PARP14: variants seen among roughly 807,000 people sequenced by gnomAD.
PARP14 encodes the protein poly(ADP-ribose) polymerase family member 14.
A neutral mutation model predicts 154.2 loss-of-function variants in PARP14; 59 were observed. The ratio of observed to expected loss-of-function variants is 0.38; its 90% CI spans 0.31 to 0.48. PARP14 has a LOEUF of 0.48. PARP14 is among the 20% of genes least tolerant of loss of function. The probability of loss-of-function intolerance (pLI) is 0.98; values close to 1 mark genes in which losing one functional copy is unlikely to be tolerated. For missense variants in PARP14, 1,734 were observed against 2,131.6 expected (o/e 0.81, Z 3.67); for synonymous variants, 720 against 780.5 (o/e 0.92, Z 1.29).
At chr3:122,693,130 G>A (rs918294166) in intron 4 of PARP14, among the ~76,000 whole-genome samples, 1 of 152,200 alleles carries the variant, frequency 6.6e-6, no homozygotes, top group Admixed American at 6.5e-5. Context: ...TTTGAACCCA[G>A]GCAGCCTATC....
chr3:122,686,316 G>T (rs1938371566), intron 2 of PARP14, among the ~76,000 whole-genome samples: 1 of 151,736 alleles, frequency 6.6e-6, no homozygotes, highest in Admixed American at 6.6e-5. Context: ...ACCACACCTG[G>T]CTAATTTTTT....
In PARP14 at chr3:122,700,566, TAGAG is replaced by T. The variant is rs1483897042; in HGVS notation, c.2016_2019del (p.Glu672AspfsTer5). On this transcript the variant is annotated frameshift_variant, in exon 6 of 17. Transcript: ENST00000474629. LOFTEE classifies it high-confidence loss of function. ...AACTTCGTTGAACAAAACATGAAAA[TAGAG>T]AGACTGGTTGAAGTAAAGCCTTCCT... The T allele has an allele frequency of 6.3e-7, 1 of 1,594,376 alleles. No individual in the cohort carries two copies. Among genetic ancestry groups the T allele is most frequent in the East Asian group, 2.2e-5 (1 of 44,502 alleles).
chr3:122,728,488 C>T lies in PARP14; in HGVS notation c.5297C>T (p.Pro1766Leu), dbSNP rs974429931. ...IVPPSKNPQN[P>L]TDLYDTVTDN... Reference sequence around the variant, plus strand: ...CCTCCTTCAAAGAACCCTCAAAATCCTACTGACCTGTATGACACTGTCACA... The same window carrying T: ...CCTCCTTCAAAGAACCCTCAAAATCTTACTGACCTGTATGACACTGTCACA... Residue 1766 changes from proline to leucine, a missense_variant, in exon 17 of 17, where the codon CCT becomes CTT. This residue lies in a region of PARP14 where 88 missense variants were observed against 155.6 expected (regional missense o/e 0.57). Transcript: ENST00000474629. 1.2e-6 allele frequency: 2 copies of T among 1,613,808 alleles called. No homozygotes were observed. The highest frequency in any genetic ancestry group is 1.7e-6 in the Non-Finnish European group (2 of 1,179,742).
chr3:122,698,086 G>C (rs1938836803), intron 5 of PARP14, among the ~76,000 whole-genome samples: 1 of 152,192 alleles, frequency 6.6e-6, no homozygotes, highest in Non-Finnish European at 1.5e-5. Context: ...TGCTCAGTAA[G>C]TTGGTAATCA....
At position 122,728,622 on chromosome 3, in the gene PARP14, T is replaced by C. The variant is rs760689677; in HGVS notation, c.*25T>C. On this transcript the variant is annotated 3_prime_UTR_variant, in exon 17 of 17. Coordinates refer to ENST00000474629, the MANE Select transcript of PARP14 (RefSeq NM_017554.3). The stretch of plus-strand genomic sequence containing the variant: ...ACACTTTGGTATCCTTCCCACAAAA[T>C]TATTCTCCATTTGTACATATCTAGT... The C allele has an allele frequency of 2.3e-5, 36 of 1,574,628 alleles. No individual in the cohort carries two copies. Among genetic ancestry groups the C allele is most frequent in the Non-Finnish European group, 3.0e-5 (35 of 1,149,734 alleles).
At chr3:122,728,205 A>T in intron 16 of PARP14, 103 bp from the exon 17 acceptor site, 2 of 1,147,448 alleles carry the variant, frequency 1.7e-6, no homozygotes, top group Non-Finnish European at 2.5e-6. Context: ...CACACAAAAA[A>T]TTTTAAGAGA....
chr3:122,716,648 A>G (rs750255177), intron 12 of PARP14, among the ~76,000 whole-genome samples: 15 of 152,128 alleles, frequency 9.9e-5, no homozygotes, highest in Admixed American at 7.2e-4. Flanking sequence ...ATAGCTCCTC[A>G]ATCCCTATTC....
At chr3:122,691,467 G>A (rs555753345) in intron 3 of PARP14, among the ~76,000 whole-genome samples, 17 of 152,334 alleles carry the variant, frequency 1.1e-4, no homozygotes, top group African/African-American at 4.1e-4. Context: ...GCAGGCCTTG[G>A]CCATTTCACT....
At position 122,704,646 on chromosome 3, in the gene PARP14, A is replaced by G. The variant is rs749305241; in HGVS notation, c.3438A>G (p.Glu1146=). 4.4e-6 allele frequency: 7 copies of G among 1,606,648 alleles called. No homozygotes were observed. In the South Asian group the frequency reaches 6.7e-5, roughly 15 times the overall value. ...NLGFPKNIFA[E]LIISEVFKFS... ...GATTTCCTAAAAACATATTCGCTGA[A>G]TTAATCATTTCAGAGGTGTTCAAAT... is the stretch of plus-strand genomic sequence containing the variant. Residue 1146 remains glutamate, a synonymous_variant, in exon 8 of 17, where the codon GAA becomes GAG. Transcript: ENST00000474629.
chr3:122,720,338 A>G lies in PARP14; in HGVS notation c.4891A>G (p.Thr1631Ala), dbSNP rs1344292886. ...ELLPSDPEYN[T>A]VASKFNQTCS... The stretch of plus-strand genomic sequence containing the variant: ...GCTGCCTAGTGATCCTGAGTACAAC[A>G]CGGTGGCAAGCAAGTTTAATCAGAC... Residue 1631 changes from threonine (T) to alanine (A), a missense_variant, in exon 15 of 17, where the codon ACG becomes GCG. By Grantham distance (58) the Thr-to-Ala change is moderately conservative. Transcript: ENST00000474629. The G allele has an allele frequency of 6.2e-7, 1 of 1,613,150 alleles. No homozygotes were observed. The highest frequency in any genetic ancestry group is 8.5e-7 in the Non-Finnish European group (1 of 1,179,506).
At chr3:122,692,172 G>C (rs1179076443) in intron 3 of PARP14, 129 bp from the exon 4 acceptor site, 1 of 607,270 alleles carries the variant, frequency 1.6e-6, no homozygotes, top group Non-Finnish European at 2.8e-6. Flanking sequence ...GCCATCCAAG[G>C]TCTGTTATTC....
chr3:122,703,721 AT>A lies in PARP14; in HGVS notation c.3082-16del. 1.4e-6 allele frequency: 2 copies of A among 1,479,316 alleles called. No homozygotes were observed. The highest frequency in any genetic ancestry group is 1.4e-5 in the African/African-American group (1 of 71,264). The allele number at this position is 1,479,316 out of a possible 1,614,324, so 91.6% of individuals were successfully genotyped here. On this transcript the variant is annotated intron_variant, in intron 6 of 16. Transcript: ENST00000474629. ...TGCTTTTTGTTAAAATTTGAAACAA[AT>A]TTTTGGTTTTGTCTTTAAGACCGAT...
rs988706964 is a variant in PARP14, at chr3:122,730,381, T to C, written c.*1784T>C. ...CTCTGTAGGCCAAGGCCAGAGCTGATACTGACACGGAGCCAATGCAGATAG... is the reference window on the plus strand; with the variant it reads ...CTCTGTAGGCCAAGGCCAGAGCTGACACTGACACGGAGCCAATGCAGATAG... On this transcript the variant is annotated 3_prime_UTR_variant, in exon 17 of 17. Transcript: ENST00000474629. 7.9e-5 allele frequency: 12 copies of C among 152,234 alleles called. No individual in the cohort carries two copies. The highest frequency in any genetic ancestry group is 2.7e-4 in the African/African-American group (11 of 41,446). 9.4% of individuals were successfully genotyped at this position (152,234 alleles called of 1,614,324 possible).
chr3:122,720,547 A>G (rs1933139147), intron 15 of PARP14, 159 bp downstream of exon 15: 1 of 694,094 alleles, frequency 1.4e-6, no homozygotes, highest in African/African-American at 1.8e-5. Flanking sequence ...TCATGTGACC[A>G]TAATTACTGA....
chr3:122,699,918 G>A lies in PARP14; in HGVS notation c.1364G>A (p.Ser455Asn). 1 of 1,613,908 alleles carries A rather than the reference G, an allele frequency of 6.2e-7. No homozygotes were observed. Among genetic ancestry groups the A allele is most frequent in the Non-Finnish European group, 8.5e-7 (1 of 1,179,850 alleles). The change falls in exon 6 of 17, where the codon AGC becomes AAC. Residue 455 changes from serine to asparagine, a missense_variant. Ser to Asn is a conservative substitution (Grantham distance 46, BLOSUM62 1). Around this residue, in one of 2 missense-constraint regions of PARP14, gnomAD observed 1,646 missense variants for 1,976.0 expected, o/e 0.83. Transcript: ENST00000474629. The part of the protein sequence containing the change: ...IEVQVRELIE[S>N]TTQKIKREEQ... ...GTACAAGTCAGGGAGTTAATAGAAA[G>A]CACTACTCAAAAAATTAAAAGGGAA...
chr3:122,693,674 A>C (rs1938608060), intron 4 of PARP14, among the ~76,000 whole-genome samples: 1 of 115,024 alleles, frequency 8.7e-6, no homozygotes, highest in African/African-American at 5.0e-5. Flanking sequence ...CTGCATCTCT[A>C]CAAAAAAAAT....
Position 122,680,878 on chromosome 3 carries a change from C to T in PARP14, c.-6C>T. On this transcript the variant is annotated 5_prime_UTR_variant, in exon 1 of 17. Coordinates refer to ENST00000474629, the MANE Select transcript of PARP14 (RefSeq NM_017554.3). ...CCCTGCAGTCCGGCGGAGAGCGGAG[C>T]TGAGGATGGCTGTGCCCGGCTCCTT... 6.3e-7 allele frequency: 1 copy of T among 1,597,070 alleles called. No individual in the cohort carries two copies. Among genetic ancestry groups the T allele is most frequent in the East Asian group, 2.3e-5 (1 of 43,928 alleles).
At chr3:122,696,833 C>T (rs1254988554) in intron 5 of PARP14, among the ~76,000 whole-genome samples, 2 of 152,186 alleles carry the variant, frequency 1.3e-5, no homozygotes, top group Non-Finnish European at 2.9e-5. Flanking sequence ...GATCTCTTTG[C>T]ACCATCTAAC....
chr3:122,720,619 G>A, intron 15 of PARP14: 1 of 568,662 alleles, frequency 1.8e-6, no homozygotes, highest in Admixed American at 2.7e-5. Context: ...GAACACTAAA[G>A]ACATATATTT....
Sources: gnomAD v4.1 joint callset for allele counts (sites outside exome capture counted in the v4.1 genomes callset) on GRCh38, gnomAD v4.1.1 for gene constraint, gnomAD v4.1.1 regional missense constraint, MANE v1.5 for transcripts, NCBI Gene and HGNC (gene_info 2026-07-23, HGNC 2026-07-21) for gene names.